STAG1: variants seen among roughly 807,000 people sequenced by gnomAD.
STAG1 encodes the protein cohesin subunit SA-1.
A neutral mutation model predicts 170.9 loss-of-function variants in STAG1; 26 were observed. The ratio of observed to expected loss-of-function variants is 0.15; its 90% confidence interval spans 0.11 to 0.21. The LOEUF (loss-of-function observed/expected upper bound fraction) is 0.21, where lower values mean the gene tolerates loss of function less well. Among genes scored for constraint, STAG1 ranks in the 10% least tolerant of loss-of-function variants. The pLI is 1.00. For missense variants in STAG1, 964 were observed against 1,509.5 expected, an observed-to-expected ratio of 0.64 and a Z score of 5.99; for synonymous variants, 514 against 497.7, an observed-to-expected ratio of 1.03 and a Z score of -0.44.
intron 28 of STAG1, among the ~76,000 whole-genome samples, chr3:136,354,753 C>CAAAAAAAAAAAAAA (rs1469138728): frequency 0.015 from 9 of 614 alleles, no homozygotes; most frequent in East Asian, 0.067. Context: ...GGAGAAAGAA[C>CAAAAAAAAAAAAAA]CAAAAAAAAA....
chr3:136,636,341 C>T (rs1302592484), intron 1 of STAG1, among the ~76,000 whole-genome samples: 8 of 151,866 alleles, frequency 5.3e-5, no homozygotes, highest in African/African-American at 1.9e-4. Context: ...ACATGATTTG[C>T]TAAGCAAATC....
At chr3:136,540,714 TGG>T (rs1288602355) in intron 6 of STAG1, among the ~76,000 whole-genome samples, 1 of 148,950 alleles carries the variant, frequency 6.7e-6, no homozygotes, top group Non-Finnish European at 1.5e-5. Context: ...CCCAGCTACT[TGG>T]GAGGCTGAGG....
intron 4 of STAG1, among the ~76,000 whole-genome samples, chr3:136,580,118 C>A (rs1937559796): frequency 6.6e-6 from 1 of 151,740 alleles, no homozygotes; most frequent in Non-Finnish European, 1.5e-5. Context: ...CAGGCGTGCA[C>A]CACCACGCAC....
chr3:136,406,448 G>A (rs1280432252), intron 21 of STAG1, among the ~76,000 whole-genome samples: 3 of 152,182 alleles, frequency 2.0e-5, no homozygotes, highest in Non-Finnish European at 4.4e-5. Flanking sequence ...CTTCTGGGAT[G>A]ATGAAACTGT....
intron 4 of STAG1, among the ~76,000 whole-genome samples, chr3:136,570,303 C>A (rs1370154521): frequency 6.6e-6 from 1 of 152,028 alleles, no homozygotes; most frequent in East Asian, 1.9e-4. Context: ...TAAATGATAT[C>A]ATCTTTTTTT....
chr3:136,469,338 T>C (rs1051785690), intron 12 of STAG1, among the ~76,000 whole-genome samples: 21 of 152,126 alleles, frequency 1.4e-4, no homozygotes, highest in African/African-American at 2.7e-4. Flanking sequence ...TATACACCAG[T>C]AACAGACAAA....
intron 15 of STAG1, among the ~76,000 whole-genome samples, chr3:136,440,510 A>T (rs2088598718): frequency 6.6e-6 from 1 of 151,768 alleles, no homozygotes; most frequent in Non-Finnish European, 1.5e-5. Context: ...ACAGAAAATG[A>T]GTTGGAATAG....
rs767464593 is a variant in STAG1, at chr3:136,452,107, C to T, written c.1354G>A (p.Ala452Thr). 1 of 1,613,394 alleles carries T rather than the reference C, an allele frequency of 6.2e-7. No individual in the cohort carries two copies. The highest frequency in any genetic ancestry group is 1.7e-5 in the Admixed American group (1 of 59,904). ...RHDPQAEEAL[A>T]KRRGRNSPNG... ...GGGCTGTTTCTTCCCCTCCTCTTTG[C>T]TAATGCTTCTTCTGCTTGTGGGTCA... Residue 452 changes from alanine to threonine, a missense_variant, in exon 14 of 34, where the codon GCA (alanine) becomes ACA (threonine). Transcript: ENST00000383202.
intron 3 of STAG1, among the ~76,000 whole-genome samples, chr3:136,620,115 G>A (rs570430004): frequency 1.3e-3 from 200 of 151,838 alleles, no homozygotes; most frequent in Non-Finnish European, 2.5e-3. Context: ...AGAAGTAAAG[G>A]AAACAATACT....
At chr3:136,561,590 T>C (rs1297526692) in intron 5 of STAG1, among the ~76,000 whole-genome samples, 1 of 152,238 alleles carries the variant, frequency 6.6e-6, no homozygotes, top group Non-Finnish European at 1.5e-5. Flanking sequence ...TTATTGCTTA[T>C]AATAGTTTTG....
intron 14 of STAG1, 37 bp downstream of exon 14, chr3:136,451,996 T>TA: frequency 7.7e-7 from 1 of 1,303,342 alleles, no homozygotes; most frequent in Non-Finnish European, 1.1e-6. Flanking sequence ...TGTAATATAA[T>TA]AAAAGAAATA....
intron 15 of STAG1, among the ~76,000 whole-genome samples, chr3:136,442,915 G>A (rs1026934845): frequency 1.3e-5 from 2 of 152,126 alleles, no homozygotes; most frequent in African/African-American, 2.4e-5. Flanking sequence ...AGTCTGAGGT[G>A]GGAGGATCCC....
At chr3:136,623,312 C>G in intron 2 of STAG1, 64 bp from the exon 3 acceptor site, 3 of 1,440,272 alleles carry the variant, frequency 2.1e-6, no homozygotes, top group Non-Finnish European at 2.9e-6. Flanking sequence ...TGTTTCACTA[C>G]TTTCCTTACC....
intron 16 of STAG1, 32 bp downstream of exon 16, chr3:136,433,524 C>T: frequency 6.6e-7 from 1 of 1,524,870 alleles, no homozygotes; most frequent in Non-Finnish European, 9.0e-7. Context: ...CATTAAAAAC[C>T]TTTTAGGAGA....
chr3:136,643,987 T>A (rs1054287293), intron 1 of STAG1, among the ~76,000 whole-genome samples: 1 of 152,224 alleles, frequency 6.6e-6, no homozygotes, highest in Non-Finnish European at 1.5e-5. Flanking sequence ...TTAATTTTTT[T>A]AATATTACAC....
At chr3:136,370,492 T>C (rs1482684748) in intron 23 of STAG1, among the ~76,000 whole-genome samples, 1 of 152,190 alleles carries the variant, frequency 6.6e-6, no homozygotes, top group Non-Finnish European at 1.5e-5. Context: ...GTGTATCTCC[T>C]AATGCTATCC....
At chr3:136,670,270 GTA>G (rs1421874907) in intron 1 of STAG1, among the ~76,000 whole-genome samples, 1 of 152,186 alleles carries the variant, frequency 6.6e-6, no homozygotes, top group East Asian at 1.9e-4. Flanking sequence ...AGAATGTGAT[GTA>G]TGAAGCCAAG....
chr3:136,688,521 A>C (rs1942614670), intron 1 of STAG1, among the ~76,000 whole-genome samples: 1 of 152,014 alleles, frequency 6.6e-6, no homozygotes, highest in Non-Finnish European at 1.5e-5. Context: ...CCTCCCATCT[A>C]GCTGCGATTA....
At chr3:136,630,838 A>T in intron 2 of STAG1, 32 bp downstream of exon 2, 1 of 1,491,368 alleles carries the variant, frequency 6.7e-7, no homozygotes, top group African/African-American at 1.4e-5. Context: ...TTTCCTTAAA[A>T]AATATAAAAA....
Sources: allele counts gnomAD v4.1 joint callset (sites outside exome capture counted in the v4.1 genomes callset), GRCh38; gene constraint gnomAD v4.1.1; transcripts MANE v1.5; gene names NCBI Gene and HGNC (gene_info 2026-07-23, HGNC 2026-07-21).